Variants in SFTPD observed in about 807,000 individuals in gnomAD.
SFTPD encodes pulmonary surfactant-associated protein D.
A neutral mutation model predicts 34.6 loss-of-function variants in SFTPD; 18 were observed. The observed-to-expected ratio is 0.52, with a 90% confidence interval of 0.36 to 0.77. The LOEUF (loss-of-function observed/expected upper bound fraction) is 0.77, where lower values mean the gene tolerates loss of function less well. Among genes scored for constraint, SFTPD ranks in the 30% least tolerant of loss-of-function variants. The pLI, the probability that SFTPD is intolerant of heterozygous loss-of-function variation, is 0.00. For missense variants in SFTPD, 433 were observed against 468.9 expected, an observed-to-expected ratio of 0.92 and a Z score of 0.71; for synonymous variants, 155 against 180.9, an observed-to-expected ratio of 0.86 and a Z score of 1.15.
intron 1 of SFTPD, chr10:79,973,063 A>G (rs921606238): frequency 4.6e-5 from 7 of 152,202 alleles, no homozygotes; most frequent in African/African-American, 1.7e-4. Context: ...CAGAAAGAAA[A>G]TGACAGTAAA....
At position 79,962,362 on chromosome 10, in the gene SFTPD, A is replaced by G. The variant is rs545725133; in HGVS notation, c.37-15700T>C. On this transcript the variant is annotated intron_variant, in intron 1 of 5. Coordinates refer to the SFTPD transcript ENST00000444384. Reference sequence around the variant, plus strand: ...AATCAATTTTAACATTTTGGTGATCATGTCTTTATTATTTTCTCTATGTAT... The same window carrying G: ...AATCAATTTTAACATTTTGGTGATCGTGTCTTTATTATTTTCTCTATGTAT... Among the ~76,000 whole-genome samples the G allele has an allele frequency of 2.9e-4, 44 of 152,194 alleles. 1 individual carries two copies. In the South Asian group the frequency reaches 9.1e-3, roughly 32 times the overall value.
intron 1 of SFTPD, among the ~76,000 whole-genome samples, chr10:79,961,390 C>G (rs1842771730): frequency 6.6e-6 from 1 of 151,530 alleles, no homozygotes; most frequent in Non-Finnish European, 1.5e-5. Flanking sequence ...TTTTTGCAAC[C>G]TACTCATCTG....
chr10:79,962,737 A>G (rs955178813), intron 1 of SFTPD, among the ~76,000 whole-genome samples: 6 of 152,164 alleles, frequency 3.9e-5, no homozygotes, highest in African/African-American at 1.4e-4. Flanking sequence ...TTTAAGGATC[A>G]TATTAAACTT....
At chr10:79,956,348 C>T (rs1428490545) in intron 1 of SFTPD, among the ~76,000 whole-genome samples, 1 of 152,206 alleles carries the variant, frequency 6.6e-6, no homozygotes, top group African/African-American at 2.4e-5. Flanking sequence ...CAAAGCAGGG[C>T]GAGGCATTCC....
chr10:79,942,525 G>A (rs539429533), intron 3 of SFTPD, 21 bp from the exon 4 acceptor site: 88 of 1,495,114 alleles, frequency 5.9e-5, no homozygotes, highest in South Asian at 2.5e-4. Flanking sequence ...GCACCAGCCC[G>A]GTCAGTAACA....
intron 1 of SFTPD, among the ~76,000 whole-genome samples, chr10:79,964,153 A>T (rs971094320): frequency 6.6e-6 from 1 of 152,134 alleles, no homozygotes; most frequent in Non-Finnish European, 1.5e-5. Flanking sequence ...ACTCTTGCAA[A>T]AGGACTACTC....
intron 1 of SFTPD, among the ~76,000 whole-genome samples, chr10:79,960,384 A>G (rs935574404): frequency 1.7e-4 from 26 of 151,772 alleles, no homozygotes; most frequent in African/African-American, 6.1e-4. Context: ...ATGATTGTAT[A>G]TCTAGAAAAC....
At position 79,946,626 on chromosome 10, in the gene SFTPD, G is replaced by T. The variant is rs754651949; in HGVS notation, c.34C>A (p.Leu12Ile). ...LLFLLSALVL[L>I]TQPLGYLEAE... ...TCCAGGTAGCCCAGGGGCTGTGTGA[G>T]CAGGACCAGTGCAGAGAGGAGGAAG... is the stretch of plus-strand genomic sequence containing the variant. The change falls in exon 2 of 8, where the codon CTC becomes ATC. Residue 12 changes from leucine to isoleucine, a missense_variant. By Grantham distance (5) the Leu-to-Ile change is conservative (BLOSUM62 2). Coordinates refer to ENST00000372292, the MANE Select transcript of SFTPD (RefSeq NM_003019.5). 3 of 1,614,122 alleles carry T rather than the reference G, an allele frequency of 1.9e-6. No homozygotes were observed. Among genetic ancestry groups the T allele is most frequent in the Admixed American group, 3.3e-5 (2 of 60,010 alleles).
intron 1 of SFTPD, chr10:79,982,330 G>A (rs976661256): frequency 1.3e-5 from 12 of 952,940 alleles, no homozygotes; most frequent in Admixed American, 4.6e-5. Context: ...CCAGCGCCTC[G>A]GGCGGCGCTG....
intron 1 of SFTPD, among the ~76,000 whole-genome samples, chr10:79,978,945 A>T (rs547197191): frequency 2.5e-4 from 38 of 152,286 alleles, no homozygotes; most frequent in African/African-American, 8.9e-4. Context: ...ATTATCTTAT[A>T]TTTAAACCCT....
intron 1 of SFTPD, among the ~76,000 whole-genome samples, chr10:79,965,062 C>G (rs1005870534): frequency 6.6e-6 from 1 of 152,132 alleles, no homozygotes; most frequent in Non-Finnish European, 1.5e-5. Flanking sequence ...CCTCAATCTT[C>G]AGGAAAGGTA....
chr10:79,940,650 T>C, intron 7 of SFTPD, 55 bp downstream of exon 7: 1 of 1,171,748 alleles, frequency 8.5e-7, no homozygotes, highest in East Asian at 2.4e-5. Context: ...AAGGTCAAGA[T>C]CTAGTGTGGG....
At chr10:79,952,506 C>T (rs997993879), upstream of SFTPD, among the ~76,000 whole-genome samples, 18 of 152,194 alleles carry the variant, frequency 1.2e-4, no homozygotes, top group Admixed American at 7.9e-4. Flanking sequence ...TCTTCTCACA[C>T]GTGGGGAGCT....
Position 79,941,381 on chromosome 10 carries a change from A to G in SFTPD, c.667+17T>C. 1.2e-6 allele frequency: 2 copies of G among 1,606,384 alleles called. No homozygotes were observed. Among genetic ancestry groups the G allele is most frequent in the Non-Finnish European group, 1.7e-6 (2 of 1,173,156 alleles). ...TGCCCCAGCGGGGCTTCCCTGGGCC[A>G]GGAGCTGCTACCTTACCTGGAAGCC... On this transcript the variant is annotated intron_variant, in intron 6 of 7. Transcript: ENST00000372292.
intron 2 of SFTPD, among the ~76,000 whole-genome samples, chr10:79,944,994 G>A (rs1447470737): frequency 6.6e-6 from 1 of 152,016 alleles, no homozygotes; most frequent in African/African-American, 2.4e-5. Context: ...AGGATTCTGA[G>A]GGAACCCAGC....
upstream of SFTPD, among the ~76,000 whole-genome samples, chr10:79,953,061 A>G (rs1842719790): frequency 6.6e-6 from 1 of 152,146 alleles, no homozygotes; most frequent in South Asian, 2.1e-4. Context: ...TGGGTTCCCC[A>G]ATAGGTCATG....
At chr10:79,977,800 CT>C (rs1335641249) in intron 1 of SFTPD, among the ~76,000 whole-genome samples, 1 of 149,590 alleles carries the variant, frequency 6.7e-6, no homozygotes, top group Non-Finnish European at 1.5e-5. Flanking sequence ...CTTTTTTTTC[CT>C]TTCTTTTCCA....
intron 1 of SFTPD, among the ~76,000 whole-genome samples, chr10:79,958,615 C>T (rs1842753784): frequency 6.6e-6 from 1 of 152,144 alleles, no homozygotes; most frequent in Non-Finnish European, 1.5e-5. Flanking sequence ...ATATACGCAC[C>T]CAATACAGGA....
intron 1 of SFTPD, among the ~76,000 whole-genome samples, chr10:79,978,627 G>A (rs993046454): frequency 3.0e-5 from 4 of 134,278 alleles, no homozygotes; most frequent in Non-Finnish European, 4.6e-5. Context: ...ACTCTAGCCT[G>A]GGCAGCAGAG....
Sources: gnomAD v4.1 joint callset for allele counts (sites outside exome capture counted in the v4.1 genomes callset) on GRCh38, gnomAD v4.1.1 for gene constraint, MANE v1.5 for transcripts, NCBI Gene and HGNC (gene_info 2026-07-23, HGNC 2026-07-21) for gene names.